Variants in USP12 observed in about 807,000 individuals in gnomAD.
USP12 encodes the protein ubiquitin carboxyl-terminal hydrolase 12.
Under a neutral mutation model 45.5 loss-of-function variants are expected in USP12, and 19 were observed. The ratio of observed to expected loss-of-function variants is 0.42; its 90% CI spans 0.29 to 0.61. The LOEUF (loss-of-function observed/expected upper bound fraction) is 0.61, where lower values mean the gene tolerates loss of function less well. Among genes scored for constraint, USP12 ranks in the 20% least tolerant of loss-of-function variants. USP12 has a pLI of 0.22. For synonymous variants in USP12, 149 were observed against 148.8 expected (o/e 1.00, Z -0.01); for missense variants, 242 against 447.7 (o/e 0.54, Z 4.15).
intron 1 of USP12, among the ~76,000 whole-genome samples, chr13:27,144,729 G>A (rs1310160832): frequency 6.7e-6 from 1 of 148,778 alleles, no homozygotes; most frequent in Non-Finnish European, 1.5e-5. Flanking sequence ...ACTTTTTTTG[G>A]AAGTTTTGTT....
chr13:27,089,192 T>A (rs1874203052), intron 6 of USP12, among the ~76,000 whole-genome samples: 2 of 152,228 alleles, frequency 1.3e-5, no homozygotes, highest in Non-Finnish European at 2.9e-5. Flanking sequence ...TACCGGTACA[T>A]CCTGTGATAC....
intron 1 of USP12, among the ~76,000 whole-genome samples, chr13:27,125,882 A>G (rs1876208796): frequency 6.6e-6 from 1 of 152,212 alleles, no homozygotes; most frequent in African/African-American, 2.4e-5. Flanking sequence ...TTGACCTGGG[A>G]CGCTGGAGCT....
chr13:27,155,830 T>C (rs754101343), intron 1 of USP12, among the ~76,000 whole-genome samples: 1 of 152,208 alleles, frequency 6.6e-6, no homozygotes, highest in Non-Finnish European at 1.5e-5. Flanking sequence ...TTCAACTTAA[T>C]TTGTAAACTT....
At chr13:27,158,965 C>T (rs1253858213) in intron 1 of USP12, among the ~76,000 whole-genome samples, 4 of 152,096 alleles carry the variant, frequency 2.6e-5, no homozygotes, top group Non-Finnish European at 5.9e-5. Context: ...ACACACAATA[C>T]CTCATGTTTG....
rs374465329 is a variant in USP12 at position 27,074,707 on chromosome 13, A to C, written c.932+484T>G. Among the ~76,000 whole-genome samples, 3 of 152,350 alleles carry C rather than the reference A, an allele frequency of 2.0e-5. No individual in the cohort carries two copies. In the East Asian group the frequency reaches 5.8e-4, roughly 29 times the overall value. On this transcript the variant is annotated intron_variant, in intron 7 of 8. Coordinates refer to ENST00000282344, the MANE Select transcript of USP12 (RefSeq NM_182488.4). ...AGAAGATGTGTATACCATGTTGGAA[A>C]AGAAGATGAGAAGAAGACAGAAAGC...
At chr13:27,082,218 C>G (rs927654149) in intron 6 of USP12, among the ~76,000 whole-genome samples, 20 of 152,190 alleles carry the variant, frequency 1.3e-4, no homozygotes, top group Non-Finnish European at 1.5e-5. Context: ...CCACCATCAG[C>G]AACTATTTTA....
chr13:27,093,292 T>G (rs1593180294), intron 4 of USP12, among the ~76,000 whole-genome samples: 1 of 126,666 alleles, frequency 7.9e-6, no homozygotes, highest in Non-Finnish European at 1.7e-5. Flanking sequence ...TATGAACTAG[T>G]AGCCAAAATT....
chr13:27,076,919 A>G (rs915470466), intron 6 of USP12, among the ~76,000 whole-genome samples: 7 of 152,228 alleles, frequency 4.6e-5, no homozygotes, highest in African/African-American at 1.7e-4. Context: ...ATCCACCAAT[A>G]TAAATTAGGA....
intron 1 of USP12, among the ~76,000 whole-genome samples, chr13:27,131,227 A>G (rs1200932894): frequency 1.3e-5 from 2 of 152,222 alleles, no homozygotes; most frequent in Non-Finnish European, 2.9e-5. Context: ...CTTTAGCCAT[A>G]GCAGGCCAGA....
chr13:27,149,360 C>A (rs1877464094), intron 1 of USP12, among the ~76,000 whole-genome samples: 1 of 152,200 alleles, frequency 6.6e-6, no homozygotes. Context: ...TTGTTAACTT[C>A]TACTCAATAC....
At chr13:27,072,351 G>A (rs1407119289) in intron 7 of USP12, among the ~76,000 whole-genome samples, 2 of 152,102 alleles carry the variant, frequency 1.3e-5, no homozygotes, top group African/African-American at 2.4e-5. Flanking sequence ...AAAAAAGTTA[G>A]GCGGCTTTTT....
At chr13:27,119,167 C>T (rs1875872429) in intron 1 of USP12, among the ~76,000 whole-genome samples, 1 of 152,174 alleles carries the variant, frequency 6.6e-6, no homozygotes, top group South Asian at 2.1e-4. Context: ...AAACTAGTCA[C>T]AGTAATACAT....
rs1324088345 is a variant in USP12, at chr13:27,116,559, G to A, written c.86C>T (p.Pro29Leu). The change falls in exon 2 of 9, where the codon CCA becomes CTA. Residue 29 changes from proline to leucine, a missense_variant. Around this residue, in one of 5 missense-constraint regions of USP12, gnomAD observed 77 missense variants for 153.7 expected, o/e 0.50. Coordinates refer to ENST00000282344, the MANE Select transcript of USP12 (RefSeq NM_182488.4). ...NASALEKEIG[P>L]EQFPVNEHYF... ...GTGCTCATTGACCGGAAACTGTTCT[G>A]GACCAATCTCTTTCTCTAATGCCGA... is the stretch of plus-strand genomic sequence containing the variant. 1.9e-6 allele frequency: 3 copies of A among 1,612,752 alleles called. No individual in the cohort carries two copies. In the East Asian group the frequency reaches 6.7e-5, roughly 36 times the overall value.
Position 27,141,390 on chromosome 13 carries a change from G to A in USP12, c.49-24794C>T, listed in dbSNP as rs143748280. On this transcript the variant is annotated intron_variant, in intron 1 of 8. Coordinates refer to ENST00000282344, the MANE Select transcript of USP12 (RefSeq NM_182488.4). ...TATGATTAAAAACCATGACACCTCT[G>A]TAGTAATGAGCACACATAGAATCGG... Among the ~76,000 whole-genome samples, 638 of 152,240 alleles carry A rather than the reference G, an allele frequency of 4.2e-3. 16 individuals are homozygous for A. Among genetic ancestry groups the A allele is most frequent in the Non-Finnish European group, 1.9e-3 (132 of 68,022 alleles).
rs902973699 is a variant in USP12, at chr13:27,123,107, T to C, written c.49-6511A>G. Among the ~76,000 whole-genome samples the C allele has an allele frequency of 7.1e-5, 10 of 141,058 alleles. No individual in the cohort carries two copies. In the East Asian group the frequency reaches 2.1e-3, roughly 30 times the overall value. 92.5% of individuals were successfully genotyped at this position (141,058 alleles called of 152,430 possible). On this transcript the variant is annotated intron_variant, in intron 1 of 8. Transcript: ENST00000282344. ...AGTCCATCTCAAAAAAAAAAAAAAA[T>C]ATTTTACAGAGAAGATTTCATGGGA...
chr13:27,162,409 G>A (rs187234997), intron 1 of USP12, among the ~76,000 whole-genome samples: 13 of 152,252 alleles, frequency 8.5e-5, no homozygotes, highest in East Asian at 5.8e-4. Flanking sequence ...ATGTCATAAC[G>A]AGTTTGCATG....
chr13:27,098,507 T>C (rs1874705287), intron 3 of USP12, among the ~76,000 whole-genome samples: 1 of 152,140 alleles, frequency 6.6e-6, no homozygotes, highest in Non-Finnish European at 1.5e-5. Flanking sequence ...TGACAAAATA[T>C]CATTTTGCCC....
At chr13:27,112,244 A>G (rs1875484580) in intron 2 of USP12, among the ~76,000 whole-genome samples, 1 of 152,106 alleles carries the variant, frequency 6.6e-6, no homozygotes, top group Admixed American at 6.6e-5. Context: ...TCATCACATA[A>G]AACACTCAGA....
chr13:27,162,954 T>G (rs998657063), intron 1 of USP12: 2 of 152,216 alleles, frequency 1.3e-5, no homozygotes, highest in Non-Finnish European at 2.9e-5. Flanking sequence ...TTTTAACATG[T>G]ATATACAATC....
Sources: gnomAD v4.1 joint callset for allele counts (sites outside exome capture counted in the v4.1 genomes callset) on GRCh38, gnomAD v4.1.1 for gene constraint, gnomAD v4.1.1 regional missense constraint, MANE v1.5 for transcripts, NCBI Gene and HGNC (gene_info 2026-07-23, HGNC 2026-07-21) for gene names.